STAT5B: variants seen among roughly 807,000 people sequenced by gnomAD.
The protein encoded by STAT5B is signal transducer and activator of transcription 5B.
A neutral mutation model predicts 107.8 loss-of-function variants in STAT5B; 21 were observed. The ratio of observed to expected loss-of-function variants is 0.19; its 90% confidence interval spans 0.14 to 0.28. The LOEUF (loss-of-function observed/expected upper bound fraction) is 0.28, where lower values mean the gene tolerates loss of function less well. STAT5B is among the 10% of genes least tolerant of loss of function. The probability of loss-of-function intolerance (pLI) is 1.00; values close to 1 mark genes in which losing one functional copy is unlikely to be tolerated. For synonymous variants in STAT5B, 325 were observed against 401.7 expected (o/e 0.81, Z 2.28); for missense variants, 565 against 1,008.2 (o/e 0.56, Z 5.95).
At position 42,200,843 on chromosome 17, in the gene STAT5B, C is replaced by T. The variant is rs146827392; in HGVS notation, c.*895G>A. On this transcript the variant is annotated 3_prime_UTR_variant, in exon 19 of 19. Coordinates refer to ENST00000293328, the MANE Select transcript of STAT5B (RefSeq NM_012448.4). The stretch of plus-strand genomic sequence containing the variant: ...CTGGCTCAGAGAAAGGCTGGGCAGC[C>T]GGAACAGCAGCTTCCTGGGTAACCA... 7.3e-4 allele frequency: 280 copies of T among 382,130 alleles called. No homozygotes were observed. The highest frequency in any genetic ancestry group is 5.8e-3 in the Admixed American group (128 of 22,176). The allele number at this position is 382,130 out of a possible 1,614,324, so 23.7% of individuals were successfully genotyped here. A position where few individuals can be genotyped will look rare whatever the true frequency, so the allele number is the denominator to read the frequency against.
At chr17:42,250,831 G>A (rs2080493014) in intron 1 of STAT5B, among the ~76,000 whole-genome samples, 1 of 151,674 alleles carries the variant, frequency 6.6e-6, no homozygotes, top group Non-Finnish European at 1.5e-5. Flanking sequence ...GGCTGAGGCA[G>A]GAGAATCACT....
chr17:42,203,275 G>A (rs974604922), intron 16 of STAT5B, among the ~76,000 whole-genome samples: 3 of 152,144 alleles, frequency 2.0e-5, no homozygotes, highest in Admixed American at 6.5e-5. Flanking sequence ...AGGAAGACCT[G>A]GTAGAGGAGA....
chr17:42,242,766 G>A (rs1034954549), intron 1 of STAT5B, among the ~76,000 whole-genome samples: 1 of 152,056 alleles, frequency 6.6e-6, no homozygotes. Context: ...TCAAGCATTC[G>A]AGACCAGCCT....
At chr17:42,224,981 T>G in intron 3 of STAT5B, 113 bp from the exon 4 acceptor site, 2 of 959,390 alleles carry the variant, frequency 2.1e-6, no homozygotes, top group Non-Finnish European at 3.3e-6. Flanking sequence ...GGAGGCACTG[T>G]TCCTCCAATA....
Position 42,201,722 on chromosome 17 carries a change from TG to T in STAT5B, c.*15del, listed in dbSNP as rs1567652676. 6.8e-7 allele frequency: 1 copy of T among 1,474,600 alleles called. No homozygotes were observed. Among genetic ancestry groups the T allele is most frequent in the East Asian group, 2.3e-5 (1 of 44,242 alleles). The allele number at this position is 1,474,600 out of a possible 1,614,324, so 91.3% of individuals were successfully genotyped here. A position where few individuals can be genotyped will look rare whatever the true frequency, so the allele number is the denominator to read the frequency against. Reference sequence around the variant, plus strand: ...CTGGTGAAGATGAAGAAGCTGAAGATGGAGAGGTCGCGGGGTCACGATTGTG... The same window carrying T: ...CTGGTGAAGATGAAGAAGCTGAAGATGAGAGGTCGCGGGGTCACGATTGTG... On this transcript the variant is annotated 3_prime_UTR_variant, in exon 19 of 19. Transcript: ENST00000293328.
the STAT5B span, among the ~76,000 whole-genome samples, chr17:42,284,426 C>T: frequency 3.4e-3 from 522 of 152,276 alleles, 3 homozygotes; most frequent in African/African-American, 0.012. Context: ...ACCACCACGC[C>T]CAGCTAATTT....
chr17:42,234,418 A>G (rs1321814711), intron 1 of STAT5B: 5 of 148,064 alleles, frequency 3.4e-5, no homozygotes, highest in African/African-American at 8.0e-5. Context: ...ACACTTAGAT[A>G]AAAGAGCTCT....
At chr17:42,287,413 C>T in the STAT5B span, 3 of 152,048 alleles carry the variant, frequency 2.0e-5, no homozygotes, top group East Asian at 3.9e-4. Flanking sequence ...GTGCTGCCAA[C>T]CCGCTGCCAG....
At chr17:42,268,541 G>A (rs994732199) in intron 1 of STAT5B, 6 of 151,960 alleles carry the variant, frequency 3.9e-5, no homozygotes, top group Admixed American at 2.0e-4. Flanking sequence ...TACAAAAAGA[G>A]GGACTATTTA....
At chr17:42,224,651 T>A (rs1337233949) in intron 4 of STAT5B, 128 bp downstream of exon 4, 5 of 925,938 alleles carry the variant, frequency 5.4e-6, no homozygotes, top group Non-Finnish European at 8.6e-6. Flanking sequence ...TTGTGCCCCT[T>A]AGGATGAAGC....
At chr17:42,275,936 G>A (rs956112885) in intron 1 of STAT5B, among the ~76,000 whole-genome samples, 1 of 152,010 alleles carries the variant, frequency 6.6e-6, no homozygotes, top group South Asian at 2.1e-4. Context: ...TATGGGGTCG[G>A]CGCGGGGTCC....
chr17:42,247,165 T>C (rs1423127294), intron 1 of STAT5B, among the ~76,000 whole-genome samples: 1 of 152,220 alleles, frequency 6.6e-6, no homozygotes, highest in South Asian at 2.1e-4. Flanking sequence ...TGTTTCTCTC[T>C]GTACTAATCT....
chr17:42,274,138 G>A (rs1360049369), intron 1 of STAT5B, among the ~76,000 whole-genome samples: 2 of 152,074 alleles, frequency 1.3e-5, no homozygotes, highest in South Asian at 2.1e-4. Flanking sequence ...CACCGAAAAG[G>A]TGAGAACTGA....
chr17:42,210,298 G>T lies in STAT5B; in HGVS notation c.1779C>A (p.Ala593=). ...KHLKPHWNDG[A]ILGFVNKQQA... ...GTTGCTTGTTTACAAACCCCAAAATGGCCCTGGATCACCAAGGACAAAGGA... is the reference window on the plus strand; with the variant it reads ...GTTGCTTGTTTACAAACCCCAAAATTGCCCTGGATCACCAAGGACAAAGGA... Residue 593 remains alanine (A), a synonymous_variant, in exon 15 of 19, where the codon GCC becomes GCA. Coordinates refer to ENST00000293328, the MANE Select transcript of STAT5B (RefSeq NM_012448.4). The T allele has an allele frequency of 6.2e-7, 1 of 1,614,124 alleles. No homozygotes were observed. The highest frequency in any genetic ancestry group is 8.5e-7 in the Non-Finnish European group (1 of 1,180,026).
At chr17:42,238,204 G>A (rs999894437) in intron 1 of STAT5B, among the ~76,000 whole-genome samples, 1 of 151,782 alleles carries the variant, frequency 6.6e-6, no homozygotes, top group Non-Finnish European at 1.5e-5. Context: ...TGTGATCATG[G>A]TTCACTGCAG....
chr17:42,212,231 G>A, intron 12 of STAT5B, 41 bp from the exon 13 acceptor site: 1 of 1,614,040 alleles, frequency 6.2e-7, no homozygotes, highest in Non-Finnish European at 8.5e-7. Context: ...GAAAACAGTT[G>A]CATGATTTAT....
rs1384846928 is a variant in STAT5B, at chr17:42,232,145, A to G, written c.-10-8T>C. On this transcript the variant is annotated splice_polypyrimidine_tract_variant and splice_region_variant and intron_variant, in intron 1 of 18. Transcript: ENST00000293328. ...ACAGCCATGGTTTACAATCTGTTGA[A>G]CAAACAATCAGTGCTTTGGGCGTTT... 4 of 1,613,432 alleles carry G rather than the reference A, an allele frequency of 2.5e-6. No homozygotes were observed. Among genetic ancestry groups the G allele is most frequent in the Admixed American group, 1.7e-5 (1 of 59,970 alleles).
chr17:42,282,989 A>G, the STAT5B span, among the ~76,000 whole-genome samples: 2 of 152,038 alleles, frequency 1.3e-5, no homozygotes, highest in African/African-American at 4.8e-5. Flanking sequence ...CTGAGACTTA[A>G]GAAACGAAGA....
chr17:42,225,211 C>T (rs992328903), intron 3 of STAT5B, among the ~76,000 whole-genome samples: 9 of 152,004 alleles, frequency 5.9e-5, no homozygotes, highest in South Asian at 2.1e-4. Flanking sequence ...CCCGCCACCA[C>T]GCCTGGCTAA....
Sources: gnomAD v4.1 joint callset for allele counts (sites outside exome capture counted in the v4.1 genomes callset) on GRCh38, gnomAD v4.1.1 for gene constraint, MANE v1.5 for transcripts, NCBI Gene and HGNC (gene_info 2026-07-23, HGNC 2026-07-21) for gene names.